Variants in SETBP1 observed in about 807,000 individuals in gnomAD.
SETBP1 encodes the protein SET binding protein 1, also known as SET-binding protein.
Under a neutral mutation model 101.0 loss-of-function variants are expected in SETBP1, and 9 were observed. That is an observed-to-expected ratio of 0.09 (90% confidence interval 0.05 to 0.16). The LOEUF (loss-of-function observed/expected upper bound fraction) is 0.16, where lower values mean the gene tolerates loss of function less well. Among genes scored for constraint, SETBP1 ranks in the 10% least tolerant of loss-of-function variants. The pLI is 1.00. For synonymous variants in SETBP1, 818 were observed against 788.5 expected, an observed-to-expected ratio of 1.04 and a Z score of -0.63; for missense variants, 1,858 against 2,033.8, an observed-to-expected ratio of 0.91 and a Z score of 1.66.
intron 2 of SETBP1, among the ~76,000 whole-genome samples, chr18:44,861,515 T>G (rs2144639708): frequency 6.6e-6 from 1 of 152,172 alleles, no homozygotes; most frequent in South Asian, 2.1e-4. Flanking sequence ...TATTCATCAT[T>G]CATTTCAGAA....
At chr18:44,889,330 T>G (rs916061810) in intron 3 of SETBP1, among the ~76,000 whole-genome samples, 6 of 152,174 alleles carry the variant, frequency 3.9e-5, no homozygotes, top group African/African-American at 1.4e-4. Flanking sequence ...TCTAAAAGTT[T>G]GAGAGCTACC....
At chr18:44,911,535 T>G (rs1213353990) in intron 3 of SETBP1, among the ~76,000 whole-genome samples, 1 of 152,232 alleles carries the variant, frequency 6.6e-6, no homozygotes, top group East Asian at 1.9e-4. Flanking sequence ...TTCTGCTGCC[T>G]ACCAGCCACC....
At chr18:44,689,289 C>T (rs2068889059) in intron 1 of SETBP1, among the ~76,000 whole-genome samples, 1 of 152,152 alleles carries the variant, frequency 6.6e-6, no homozygotes, top group African/African-American at 2.4e-5. Context: ...CTGGCAGAAG[C>T]AGCATGGCCC....
intron 4 of SETBP1, among the ~76,000 whole-genome samples, chr18:45,001,692 C>A (rs1215743417): frequency 6.6e-6 from 1 of 152,172 alleles, no homozygotes; most frequent in Non-Finnish European, 1.5e-5. Context: ...TTGAGCCTTG[C>A]AAAACTCCTG....
At chr18:44,812,294 T>G (rs2144834304) in intron 2 of SETBP1, among the ~76,000 whole-genome samples, 1 of 152,308 alleles carries the variant, frequency 6.6e-6, no homozygotes, top group Non-Finnish European at 1.5e-5. Context: ...CTAAAATACT[T>G]GAATAAATTT....
chr18:44,729,902 T>C (rs1335682625), intron 2 of SETBP1, among the ~76,000 whole-genome samples: 1 of 152,118 alleles, frequency 6.6e-6, no homozygotes, highest in Non-Finnish European at 1.5e-5. Flanking sequence ...CACCGCAGGG[T>C]CACTGTGACT....
intron 1 of SETBP1, among the ~76,000 whole-genome samples, chr18:44,695,403 T>C (rs1421778951): frequency 6.6e-6 from 1 of 152,128 alleles, no homozygotes; most frequent in Non-Finnish European, 1.5e-5. Context: ...TCTAACATAA[T>C]GAAAAAGAAA....
intron 3 of SETBP1, among the ~76,000 whole-genome samples, chr18:44,882,147 G>T (rs2069544378): frequency 6.6e-6 from 1 of 152,110 alleles, no homozygotes; most frequent in African/African-American, 2.4e-5. Context: ...GATATCTACT[G>T]CTGTCCCCAA....
intron 5 of SETBP1, among the ~76,000 whole-genome samples, chr18:45,046,723 G>A (rs555901445): frequency 1.1e-4 from 16 of 152,210 alleles, no homozygotes; most frequent in Non-Finnish European, 2.4e-4. Flanking sequence ...GGTTTCACTA[G>A]GGCAGCAACC....
Position 45,038,471 on chromosome 18 carries a change from T to A in SETBP1, c.4001-14T>A, listed in dbSNP as rs2073443267. 6.2e-7 allele frequency: 1 copy of A among 1,613,620 alleles called. No individual in the cohort carries two copies. Reference sequence around the variant, plus strand: ...CTTAAAGTGACTGAAAGCTTTGGGGTTGTTATTTTTTAGGGATGCCAAGTC... The same window carrying A: ...CTTAAAGTGACTGAAAGCTTTGGGGATGTTATTTTTTAGGGATGCCAAGTC... On this transcript the variant is annotated splice_polypyrimidine_tract_variant and intron_variant, in intron 4 of 5. Coordinates refer to ENST00000649279, the MANE Select transcript of SETBP1 (RefSeq NM_015559.3).
intron 4 of SETBP1, among the ~76,000 whole-genome samples, chr18:45,021,782 T>C (rs531581723): frequency 6.6e-6 from 1 of 152,190 alleles, no homozygotes; most frequent in African/African-American, 2.4e-5. Context: ...GCTGTCCTAA[T>C]GAATCAAATA....
rs1287193938 is a variant in SETBP1, at chr18:44,917,658, G to A, written c.541-32223G>A. On this transcript the variant is annotated intron_variant, in intron 3 of 5. Transcript: ENST00000649279. The stretch of plus-strand genomic sequence containing the variant: ...GAGGGTTGGAGCTCTGCCTCCTCGA[G>A]TTGTTGATTTCTGAGTCCTCAGCAT... Among the ~76,000 whole-genome samples the A allele has an allele frequency of 2.6e-5, 4 of 152,126 alleles. No individual in the cohort carries two copies. In the East Asian group the frequency reaches 5.8e-4, roughly 22 times the overall value.
chr18:44,819,262 C>T (rs1477347183), intron 2 of SETBP1, among the ~76,000 whole-genome samples: 23 of 152,094 alleles, frequency 1.5e-4, no homozygotes, highest in Non-Finnish European at 1.5e-5. Flanking sequence ...GCAGTAGTAC[C>T]AGACACCAGA....
intron 2 of SETBP1, among the ~76,000 whole-genome samples, chr18:44,779,539 G>A (rs565920882): frequency 4.6e-5 from 7 of 152,142 alleles, no homozygotes; most frequent in Admixed American, 2.6e-4. Flanking sequence ...TGGCCTGTCC[G>A]TGGTTACACT....
intron 5 of SETBP1, among the ~76,000 whole-genome samples, chr18:45,043,939 A>G (rs1037799363): frequency 6.6e-6 from 1 of 152,244 alleles, no homozygotes; most frequent in Non-Finnish European, 1.5e-5. Flanking sequence ...TCTCTTAGCC[A>G]GCTGCCATCT....
At chr18:44,935,022 A>C (rs1031644073) in intron 3 of SETBP1, among the ~76,000 whole-genome samples, 1 of 152,200 alleles carries the variant, frequency 6.6e-6, no homozygotes, top group Non-Finnish European at 1.5e-5. Flanking sequence ...ATGGGAAGCC[A>C]TCAGGACATG....
intron 4 of SETBP1, among the ~76,000 whole-genome samples, chr18:45,025,339 G>A (rs954920369): frequency 4.6e-5 from 7 of 152,130 alleles, no homozygotes; most frequent in African/African-American, 1.2e-4. Context: ...TCATTCTGCC[G>A]AAATAAGCAC....
intron 3 of SETBP1, among the ~76,000 whole-genome samples, chr18:44,893,105 C>G (rs1292668546): frequency 6.6e-6 from 1 of 152,110 alleles, no homozygotes; most frequent in Non-Finnish European, 1.5e-5. Context: ...GGTCAAATGA[C>G]ATTAACAGTC....
Position 45,065,329 on chromosome 18 carries a change from C to T in SETBP1, c.*1631C>T, listed in dbSNP as rs2073952696. 1 of 152,130 alleles carries T rather than the reference C, an allele frequency of 6.6e-6. No individual in the cohort carries two copies. The highest frequency in any genetic ancestry group is 2.4e-5 in the African/African-American group (1 of 41,414). The allele number at this position is 152,130 out of a possible 1,614,324, so 9.4% of individuals were successfully genotyped here. On this transcript the variant is annotated 3_prime_UTR_variant, in exon 6 of 6. Coordinates refer to ENST00000649279, the MANE Select transcript of SETBP1 (RefSeq NM_015559.3). ...CTTACCTTCCCCAAGACATCAAACA[C>T]CTGGCATGGTAGATTATAGAAAGAG...
Sources: allele counts gnomAD v4.1 joint callset (sites outside exome capture counted in the v4.1 genomes callset), GRCh38; gene constraint gnomAD v4.1.1; transcripts MANE v1.5; gene names NCBI Gene and HGNC (gene_info 2026-07-23, HGNC 2026-07-21).